SCFD2: variants seen among roughly 807,000 people sequenced by gnomAD.
SCFD2 encodes sec1 family domain-containing protein 2.
Under a neutral mutation model 58.9 loss-of-function variants are expected in SCFD2, and 54 were observed. The ratio of observed to expected loss-of-function variants is 0.92; its 90% CI spans 0.74 to 1.15. SCFD2 has a LOEUF of 1.15. Among genes scored for constraint, SCFD2 ranks in the 50% most tolerant of loss-of-function variants. The pLI is 0.00. For missense variants in SCFD2, 805 were observed against 836.6 expected (o/e 0.96, Z 0.47); for synonymous variants, 321 against 335.9 (o/e 0.96, Z 0.49).
chr4:52,905,432 A>T (rs1014593341), intron 7 of SCFD2, among the ~76,000 whole-genome samples: 2 of 152,226 alleles, frequency 1.3e-5, no homozygotes, highest in Non-Finnish European at 2.9e-5. Context: ...TGGAGTGGAC[A>T]GGGCTTTGTT....
intron 3 of SCFD2, among the ~76,000 whole-genome samples, chr4:53,274,817 C>T (rs182058346): frequency 7.2e-5 from 11 of 152,314 alleles, no homozygotes; most frequent in African/African-American, 1.9e-4. Flanking sequence ...CCATGCTATG[C>T]GCAAAGCTCT....
intron 5 of SCFD2, among the ~76,000 whole-genome samples, chr4:53,126,759 A>C (rs2148896273): frequency 6.6e-6 from 1 of 152,322 alleles, no homozygotes; most frequent in East Asian, 1.9e-4. Context: ...CCACACCTGC[A>C]GGGAAAGCAG....
intron 3 of SCFD2, among the ~76,000 whole-genome samples, chr4:53,292,750 G>A (rs1255158291): frequency 2.1e-4 from 32 of 152,070 alleles, no homozygotes; most frequent in East Asian, 7.7e-4. Flanking sequence ...ATACATGCAC[G>A]TGTATGTTCA....
chr4:52,974,122 C>T (rs1020057255), intron 5 of SCFD2, among the ~76,000 whole-genome samples: 1 of 152,148 alleles, frequency 6.6e-6, no homozygotes, highest in African/African-American at 2.4e-5. Flanking sequence ...GACAGGGATG[C>T]CCTCTCTCAC....
chr4:52,881,959 G>A (rs1718622488), intron 8 of SCFD2, among the ~76,000 whole-genome samples: 1 of 152,236 alleles, frequency 6.6e-6, no homozygotes, highest in African/African-American at 2.4e-5. Context: ...AGAGTGGTAG[G>A]AAAAGAAGCC....
At chr4:52,997,603 T>C (rs533320451) in intron 5 of SCFD2, among the ~76,000 whole-genome samples, 2 of 152,264 alleles carry the variant, frequency 1.3e-5, no homozygotes, top group Admixed American at 1.3e-4. Context: ...ATTGCTGGCC[T>C]GGGGAATGGT....
chr4:53,112,630 A>G (rs1725205588), intron 5 of SCFD2, among the ~76,000 whole-genome samples: 1 of 152,112 alleles, frequency 6.6e-6, no homozygotes, highest in South Asian at 2.1e-4. Flanking sequence ...AGGTTTTAGA[A>G]CCAGGCTCAG....
intron 4 of SCFD2, among the ~76,000 whole-genome samples, chr4:53,255,367 C>T (rs1288469413): frequency 4.6e-5 from 7 of 152,066 alleles, no homozygotes; most frequent in Non-Finnish European, 1.0e-4. Context: ...CGGCCTTCCG[C>T]AGTGTTTGTG....
chr4:53,035,335 C>T (rs1722728413), intron 5 of SCFD2, among the ~76,000 whole-genome samples: 1 of 152,080 alleles, frequency 6.6e-6, no homozygotes, highest in African/African-American at 2.4e-5. Flanking sequence ...CAAGATGGAT[C>T]AAAGACCTAA....
intron 3 of SCFD2, among the ~76,000 whole-genome samples, chr4:53,291,269 T>G (rs1207978771): frequency 6.6e-6 from 1 of 152,126 alleles, no homozygotes; most frequent in Non-Finnish European, 1.5e-5. Context: ...AATTTATCCC[T>G]GGCATGTAAG....
chr4:53,110,582 T>C (rs1374858454), intron 5 of SCFD2, among the ~76,000 whole-genome samples: 2 of 147,640 alleles, frequency 1.4e-5, no homozygotes, highest in Non-Finnish European at 3.1e-5. Context: ...AGTGGGTTCA[T>C]CTCAAGCTCA....
intron 5 of SCFD2, among the ~76,000 whole-genome samples, chr4:52,926,742 A>T (rs1387763622): frequency 1.3e-5 from 2 of 152,104 alleles, no homozygotes; most frequent in African/African-American, 4.8e-5. Flanking sequence ...GCAAGCCCCA[A>T]CGCAGCAGGG....
At chr4:53,095,799 C>T (rs1006820089) in intron 5 of SCFD2, among the ~76,000 whole-genome samples, 3 of 151,924 alleles carry the variant, frequency 2.0e-5, no homozygotes, top group African/African-American at 4.8e-5. Flanking sequence ...TATACATGTG[C>T]CACGTTGGTG....
At chr4:53,213,999 G>A (rs1172994061) in intron 4 of SCFD2, among the ~76,000 whole-genome samples, 1 of 151,872 alleles carries the variant, frequency 6.6e-6, no homozygotes, top group Non-Finnish European at 1.5e-5. Context: ...CCTTTTTTAT[G>A]GCTGCATAGT....
At chr4:52,899,061 T>A (rs920974263) in intron 7 of SCFD2, among the ~76,000 whole-genome samples, 1 of 152,180 alleles carries the variant, frequency 6.6e-6, no homozygotes, top group Non-Finnish European at 1.5e-5. Context: ...GTGAGATGGG[T>A]TTCCTGAATA....
intron 4 of SCFD2, among the ~76,000 whole-genome samples, chr4:53,229,428 G>A (rs1181774422): frequency 6.6e-6 from 1 of 152,210 alleles, no homozygotes; most frequent in East Asian, 1.9e-4. Flanking sequence ...CAGAGATATA[G>A]ACCAATGGAA....
intron 4 of SCFD2, among the ~76,000 whole-genome samples, chr4:53,183,839 T>C (rs1207017080): frequency 6.6e-6 from 1 of 152,172 alleles, no homozygotes; most frequent in Non-Finnish European, 1.5e-5. Flanking sequence ...CTAGCTTTCA[T>C]TTCTTCATTC....
intron 4 of SCFD2, among the ~76,000 whole-genome samples, chr4:53,152,199 A>C (rs1285142533): frequency 6.6e-6 from 1 of 150,744 alleles, no homozygotes; most frequent in Non-Finnish European, 1.5e-5. Context: ...AAAACACTTC[A>C]AAGAATCAGT....
chr4:53,314,842 T>C (rs1732808335), intron 2 of SCFD2, among the ~76,000 whole-genome samples: 1 of 152,200 alleles, frequency 6.6e-6, no homozygotes. Flanking sequence ...CATGTATCTT[T>C]CCATAATGAA....
Sources: gnomAD v4.1 joint callset for allele counts (sites outside exome capture counted in the v4.1 genomes callset) on GRCh38, gnomAD v4.1.1 for gene constraint, MANE v1.5 for transcripts, NCBI Gene and HGNC (gene_info 2026-07-23, HGNC 2026-07-21) for gene names.